GALNTL5: variants seen among roughly 807,000 people sequenced by gnomAD.
GALNTL5 encodes inactive polypeptide N-acetylgalactosaminyltransferase-like protein 5.
In GALNTL5, 44 loss-of-function variants were observed where a neutral mutation model predicts 51.0. That is an observed-to-expected ratio of 0.86 (90% CI 0.68 to 1.11). The LOEUF (loss-of-function observed/expected upper bound fraction) is 1.11. Among genes scored for constraint, GALNTL5 ranks in the 50% least tolerant of loss-of-function variants. The pLI is 0.00. For synonymous variants in GALNTL5, 192 were observed against 182.8 expected (o/e 1.05, Z -0.41); for missense variants, 528 against 531.8 (o/e 0.99, Z 0.07).
At chr7:152,019,322 T>A (rs574241707) in intron 8 of GALNTL5, among the ~76,000 whole-genome samples, 45 of 152,176 alleles carry the variant, frequency 3.0e-4, no homozygotes, top group Non-Finnish European at 4.3e-4. Context: ...TAACGGGGTT[T>A]GTCCTTGGGT....
At chr7:152,017,151 G>A (rs901358709) in intron 8 of GALNTL5, among the ~76,000 whole-genome samples, 17 of 152,120 alleles carry the variant, frequency 1.1e-4, no homozygotes, top group African/African-American at 2.9e-4. Context: ...TTTCATTGTT[G>A]TGGGACCATC....
At chr7:151,962,974 A>G (rs959096785) in intron 1 of GALNTL5, among the ~76,000 whole-genome samples, 2 of 152,192 alleles carry the variant, frequency 1.3e-5, no homozygotes, top group African/African-American at 4.8e-5. Context: ...TCCCAAAAAA[A>G]AGAATACATG....
intron 7 of GALNTL5, among the ~76,000 whole-genome samples, chr7:152,011,431 G>T (rs1322120306): frequency 6.6e-6 from 1 of 152,216 alleles, no homozygotes. Context: ...CCAACAATCT[G>T]CAGTCTTGGT....
chr7:151,962,440 T>TC (rs2081004139), intron 1 of GALNTL5, among the ~76,000 whole-genome samples: 1 of 114,396 alleles, frequency 8.7e-6, no homozygotes. Flanking sequence ...TTTTTTCTTT[T>TC]TTTTTTTTTT....
chr7:151,998,151 G>C (rs778487167), intron 5 of GALNTL5, among the ~76,000 whole-genome samples: 1 of 152,190 alleles, frequency 6.6e-6, no homozygotes, highest in Non-Finnish European at 1.5e-5. Context: ...GGAGGTTATA[G>C]TGAGCTATAA....
intron 6 of GALNTL5, among the ~76,000 whole-genome samples, chr7:152,004,499 G>T (rs1177091755): frequency 6.6e-6 from 1 of 151,910 alleles, no homozygotes; most frequent in Non-Finnish European, 1.5e-5. Context: ...GTGCAATTTT[G>T]TTATATGGCT....
At chr7:151,998,341 C>A (rs1302767815) in intron 5 of GALNTL5, among the ~76,000 whole-genome samples, 11 of 151,564 alleles carry the variant, frequency 7.3e-5, no homozygotes, top group African/African-American at 2.7e-4. Context: ...AAAAAAAAGT[C>A]TATTTTTTTA....
At chr7:151,976,898 C>A (rs1325750672) in intron 3 of GALNTL5, among the ~76,000 whole-genome samples, 1 of 152,076 alleles carries the variant, frequency 6.6e-6, no homozygotes, top group African/African-American at 2.4e-5. Flanking sequence ...GAACTCCTGA[C>A]CTCAGGTGAT....
intron 1 of GALNTL5, among the ~76,000 whole-genome samples, chr7:151,959,682 C>T (rs1438907433): frequency 6.6e-6 from 1 of 152,194 alleles, no homozygotes; most frequent in South Asian, 2.1e-4. Context: ...TTCTGCAGCT[C>T]CTTTGGGAAC....
intron 3 of GALNTL5, among the ~76,000 whole-genome samples, chr7:151,974,548 A>T (rs1444390011): frequency 6.6e-6 from 1 of 152,210 alleles, no homozygotes; most frequent in Non-Finnish European, 1.5e-5. Flanking sequence ...ATCACTCATG[A>T]TGTGGTACAC....
chr7:151,982,766 G>A, intron 3 of GALNTL5: 1 of 889,390 alleles, frequency 1.1e-6, no homozygotes, highest in South Asian at 1.5e-5. Context: ...AATTATTACT[G>A]ACATTAAGAA....
chr7:151,984,991 A>C (rs1437472830), intron 4 of GALNTL5, among the ~76,000 whole-genome samples: 3 of 152,130 alleles, frequency 2.0e-5, no homozygotes, highest in Admixed American at 2.0e-4. Context: ...CTTAAACAAC[A>C]AACATTTATT....
At chr7:151,993,666 G>C (rs767500019) in intron 5 of GALNTL5, among the ~76,000 whole-genome samples, 1 of 151,952 alleles carries the variant, frequency 6.6e-6, no homozygotes, top group East Asian at 1.9e-4. Context: ...TGTCACCCAC[G>C]CTGGAGTGCA....
intron 3 of GALNTL5, among the ~76,000 whole-genome samples, chr7:151,979,106 CTTTTTTTTTT>C (rs397888897): frequency 1.4e-5 from 1 of 71,164 alleles, no homozygotes; most frequent in Non-Finnish European, 3.0e-5. Flanking sequence ...TACTTTTACT[CTTTTTTTTTT>C]TTTTTTTTTT....
At chr7:152,015,732 C>T (rs1184928481) in intron 8 of GALNTL5, among the ~76,000 whole-genome samples, 1 of 152,110 alleles carries the variant, frequency 6.6e-6, no homozygotes, top group Non-Finnish European at 1.5e-5. Context: ...GGTCTTGAGA[C>T]CGTGTGAGAA....
At chr7:151,971,822 T>TTCTC (rs34094897) in intron 3 of GALNTL5, among the ~76,000 whole-genome samples, 2 of 150,458 alleles carry the variant, frequency 1.3e-5, no homozygotes, top group African/African-American at 4.9e-5. Context: ...TTCCCCTGCA[T>TTCTC]TCTCTCTCTC....
At chr7:151,975,778 G>T (rs1301843751) in intron 3 of GALNTL5, among the ~76,000 whole-genome samples, 1 of 151,788 alleles carries the variant, frequency 6.6e-6, no homozygotes, top group African/African-American at 2.4e-5. Flanking sequence ...CATTTGTCAA[G>T]ATATTTTTAA....
At chr7:152,001,109 C>T (rs892958512) in intron 5 of GALNTL5, among the ~76,000 whole-genome samples, 6 of 150,510 alleles carry the variant, frequency 4.0e-5, no homozygotes, top group Admixed American at 6.6e-5. Context: ...GACGGGGTTT[C>T]GCTATGTTGG....
intron 5 of GALNTL5, among the ~76,000 whole-genome samples, chr7:152,002,069 C>CAG (rs1379465814): frequency 2.0e-5 from 3 of 152,126 alleles, no homozygotes; most frequent in African/African-American, 7.2e-5. Flanking sequence ...CACCTGAGGT[C>CAG]AGGAGCTCGA....
Sources: gnomAD v4.1 joint callset for allele counts (sites outside exome capture counted in the v4.1 genomes callset) on GRCh38, gnomAD v4.1.1 for gene constraint, MANE v1.5 for transcripts, NCBI Gene and HGNC (gene_info 2026-07-23, HGNC 2026-07-21) for gene names.